LUZP2: variants seen among roughly 807,000 people sequenced by gnomAD.
LUZP2 encodes leucine zipper protein 2.
Under a neutral mutation model 51.6 loss-of-function variants are expected in LUZP2, and 52 were observed. That is an observed-to-expected ratio of 1.01 (90% CI 0.81 to 1.27). The LOEUF (loss-of-function observed/expected upper bound fraction) is 1.27, where lower values mean the gene tolerates loss of function less well. Ranked by LOEUF, LUZP2 falls within the 50% of genes most tolerant of loss-of-function variation. The probability of loss-of-function intolerance (pLI) is 0.00; values close to 1 mark genes in which losing one functional copy is unlikely to be tolerated. For missense variants in LUZP2, 436 were observed against 395.4 expected, an observed-to-expected ratio of 1.10 and a Z score of -0.87; for synonymous variants, 154 against 137.3, an observed-to-expected ratio of 1.12 and a Z score of -0.85.
chr11:24,521,525 A>G (rs1850644644), intron 1 of LUZP2, among the ~76,000 whole-genome samples: 1 of 152,118 alleles, frequency 6.6e-6, no homozygotes, highest in African/African-American at 2.4e-5. Flanking sequence ...GGTAAGGAAG[A>G]AAAACTTGGT....
intron 7 of LUZP2, among the ~76,000 whole-genome samples, chr11:24,922,038 G>A (rs1854079081): frequency 6.6e-6 from 1 of 151,518 alleles, no homozygotes; most frequent in African/African-American, 2.4e-5. Flanking sequence ...TGAAGCTATC[G>A]CCATGGATAT....
At chr11:24,965,619 T>C (rs1362130044) in intron 7 of LUZP2, among the ~76,000 whole-genome samples, 1 of 151,846 alleles carries the variant, frequency 6.6e-6, no homozygotes, top group East Asian at 1.9e-4. Context: ...GTCTGTCTAG[T>C]CATTAAAATG....
At chr11:24,603,907 G>C (rs1176454847) in intron 1 of LUZP2, among the ~76,000 whole-genome samples, 1 of 151,506 alleles carries the variant, frequency 6.6e-6, no homozygotes, top group African/African-American at 2.4e-5. Flanking sequence ...TTTTATTATT[G>C]TGATATTATC....
intron 9 of LUZP2, among the ~76,000 whole-genome samples, chr11:25,038,101 T>A (rs1857920774): frequency 6.6e-6 from 1 of 152,070 alleles, no homozygotes; most frequent in South Asian, 2.1e-4. Context: ...ATTAAACATA[T>A]TGTCCAAGTG....
chr11:24,608,202 A>G (rs1286091703), intron 1 of LUZP2, among the ~76,000 whole-genome samples: 1 of 152,172 alleles, frequency 6.6e-6, no homozygotes, highest in Non-Finnish European at 1.5e-5. Context: ...AAAAAGTTTA[A>G]TAATCTCTGT....
chr11:24,550,154 T>A (rs1851682356), intron 1 of LUZP2, among the ~76,000 whole-genome samples: 1 of 152,080 alleles, frequency 6.6e-6, no homozygotes, highest in African/African-American at 2.4e-5. Context: ...AATCTCACTA[T>A]AATGACTCAA....
At chr11:24,651,543 A>G (rs1411705881) in intron 1 of LUZP2, among the ~76,000 whole-genome samples, 1 of 152,146 alleles carries the variant, frequency 6.6e-6, no homozygotes, top group Non-Finnish European at 1.5e-5. Flanking sequence ...AAATATTCCC[A>G]GTAATAAGGG....
At position 24,501,510 on chromosome 11, in the gene LUZP2, T is replaced by C. The variant is rs150922645; in HGVS notation, c.62+4205T>C. Among the ~76,000 whole-genome samples the C allele has an allele frequency of 2.0e-5, 3 of 152,370 alleles. No individual in the cohort carries two copies. The East Asian group carries it at 5.8e-4, about 29-fold the overall frequency. The stretch of plus-strand genomic sequence containing the variant: ...CTGGTGTGTGTTATAAGAAACTATG[T>C]GTGCGGCTGTTTCTCAGTGACTTCT... On this transcript the variant is annotated intron_variant, in intron 1 of 11. Coordinates refer to ENST00000336930, the MANE Select transcript of LUZP2 (RefSeq NM_001009909.4).
chr11:24,558,171 G>A (rs766892125), intron 1 of LUZP2, among the ~76,000 whole-genome samples: 2 of 151,990 alleles, frequency 1.3e-5, no homozygotes, highest in Non-Finnish European at 2.9e-5. Context: ...TTTAGACTCT[G>A]GGGCTCACAC....
chr11:25,013,534 C>T (rs540971475), intron 9 of LUZP2, among the ~76,000 whole-genome samples: 58 of 151,970 alleles, frequency 3.8e-4, no homozygotes, highest in Non-Finnish European at 7.1e-4. Context: ...TCTTGAAATG[C>T]GTGAAGATAT....
chr11:25,056,914 C>T (rs1858702220), intron 10 of LUZP2, among the ~76,000 whole-genome samples: 1 of 152,078 alleles, frequency 6.6e-6, no homozygotes, highest in African/African-American at 2.4e-5. Context: ...TCCTGGCTAA[C>T]ATGGTGAAAC....
intron 5 of LUZP2, among the ~76,000 whole-genome samples, chr11:24,787,461 T>G (rs1410217374): frequency 2.6e-5 from 4 of 152,192 alleles, no homozygotes; most frequent in African/African-American, 9.6e-5. Flanking sequence ...ACGATAATTA[T>G]TATTATCATT....
intron 1 of LUZP2, among the ~76,000 whole-genome samples, chr11:24,524,670 T>C (rs1850740346): frequency 6.6e-6 from 1 of 151,706 alleles, no homozygotes; most frequent in East Asian, 1.9e-4. Context: ...CAAGGTGAAG[T>C]GATTTACGTA....
At chr11:24,552,979 C>A (rs1851763540) in intron 1 of LUZP2, among the ~76,000 whole-genome samples, 1 of 149,956 alleles carries the variant, frequency 6.7e-6, no homozygotes, top group African/African-American at 2.4e-5. Flanking sequence ...AAGAAAAATA[C>A]CTAATTAAAA....
Position 24,497,314 on chromosome 11 carries a change from A to G in LUZP2, c.62+9A>G. ...CTGGTCCTCAGCACCAGGTGAGTCCAGGAGCGTGAGTGACCTGAGGCCAGG... is the reference window on the plus strand; with the variant it reads ...CTGGTCCTCAGCACCAGGTGAGTCCGGGAGCGTGAGTGACCTGAGGCCAGG... On this transcript the variant is annotated intron_variant, in intron 1 of 11. Coordinates refer to ENST00000336930, the MANE Select transcript of LUZP2 (RefSeq NM_001009909.4). The G allele has an allele frequency of 6.5e-7, 1 of 1,528,224 alleles. No homozygotes were observed. Among genetic ancestry groups the G allele is most frequent in the Non-Finnish European group, 8.8e-7 (1 of 1,131,930 alleles). 94.7% of individuals were successfully genotyped at this position (1,528,224 alleles called of 1,614,324 possible).
intron 5 of LUZP2, among the ~76,000 whole-genome samples, chr11:24,789,756 C>T (rs1849356653): frequency 6.6e-6 from 1 of 152,206 alleles, no homozygotes; most frequent in South Asian, 2.1e-4. Flanking sequence ...ACACCTCTTG[C>T]TGTGTCCCCA....
chr11:24,817,718 G>T (rs1049284580), intron 5 of LUZP2, among the ~76,000 whole-genome samples: 1 of 148,630 alleles, frequency 6.7e-6, no homozygotes, highest in Admixed American at 6.7e-5. Flanking sequence ...ATGCAGATTT[G>T]TCCTCAGTAA....
chr11:24,704,358 G>A (rs1228886794), intron 1 of LUZP2, among the ~76,000 whole-genome samples: 3 of 151,332 alleles, frequency 2.0e-5, no homozygotes, highest in African/African-American at 7.3e-5. Context: ...TCTTTCCTTA[G>A]CTACTTTTTC....
chr11:24,894,261 G>A (rs957271327), intron 5 of LUZP2, among the ~76,000 whole-genome samples: 5 of 144,232 alleles, frequency 3.5e-5, no homozygotes, highest in African/African-American at 1.0e-4. Context: ...TACAACCTCC[G>A]CCTCCCGGGT....
Sources: allele counts gnomAD v4.1 joint callset (sites outside exome capture counted in the v4.1 genomes callset), GRCh38; gene constraint gnomAD v4.1.1; transcripts MANE v1.5; gene names NCBI Gene and HGNC (gene_info 2026-07-23, HGNC 2026-07-21).